QTMAN: variants seen among roughly 807,000 people sequenced by gnomAD.
The protein encoded by QTMAN is queuosine-tRNA mannosyltransferase.
the QTMAN span, among the ~76,000 whole-genome samples, chr2:144,035,999 G>A: frequency 6.6e-6 from 1 of 152,140 alleles, no homozygotes; most frequent in African/African-American, 2.4e-5. Context: ...ACCAGAGCAT[G>A]TAATTTCCTG....
chr2:144,039,834 T>C, the QTMAN span, among the ~76,000 whole-genome samples: 1 of 152,220 alleles, frequency 6.6e-6, no homozygotes, highest in African/African-American at 2.4e-5. Flanking sequence ...TTTCTTTCAA[T>C]TGACACTGTT....
chr2:144,284,127 T>C, the QTMAN span, among the ~76,000 whole-genome samples: 7 of 152,018 alleles, frequency 4.6e-5, no homozygotes, highest in Non-Finnish European at 8.8e-5. Flanking sequence ...ATAATCATAC[T>C]GCTGTTCTAC....
chr2:144,052,234 G>A, the QTMAN span, among the ~76,000 whole-genome samples: 1 of 152,302 alleles, frequency 6.6e-6, no homozygotes, highest in South Asian at 2.1e-4. Flanking sequence ...ATGATAACAG[G>A]ATAAAACTGG....
the QTMAN span, among the ~76,000 whole-genome samples, chr2:144,156,713 C>T: frequency 1.3e-5 from 2 of 152,022 alleles, no homozygotes; most frequent in Admixed American, 1.3e-4. Flanking sequence ...AAAAAAAATG[C>T]TTCCGTTGAT....
the QTMAN span, among the ~76,000 whole-genome samples, chr2:144,157,160 C>T: frequency 6.6e-6 from 1 of 151,998 alleles, no homozygotes; most frequent in Non-Finnish European, 1.5e-5. Context: ...ACTTTATTTA[C>T]AGTGTTTGTT....
At chr2:144,169,670 C>T in the QTMAN span, among the ~76,000 whole-genome samples, 1 of 151,862 alleles carries the variant, frequency 6.6e-6, no homozygotes, top group Admixed American at 6.6e-5. Context: ...GTTTTTGCTT[C>T]AATGGTCTTC....
chr2:144,087,674 A>G, the QTMAN span, among the ~76,000 whole-genome samples: 3 of 152,052 alleles, frequency 2.0e-5, no homozygotes, highest in African/African-American at 7.2e-5. Flanking sequence ...TAAACATCAT[A>G]TATCACATCA....
At chr2:144,081,117 T>C in the QTMAN span, among the ~76,000 whole-genome samples, 1 of 152,166 alleles carries the variant, frequency 6.6e-6, no homozygotes, top group African/African-American at 2.4e-5. Flanking sequence ...TTAGTCTCCT[T>C]CTCTATCAAG....
chr2:143,955,654 A>T, the QTMAN span, among the ~76,000 whole-genome samples: 1 of 152,332 alleles, frequency 6.6e-6, no homozygotes, highest in East Asian at 1.9e-4. Flanking sequence ...CACTCAACAA[A>T]AACAAAAGTT....
chr2:144,164,534 C>T, the QTMAN span, among the ~76,000 whole-genome samples: 30 of 152,246 alleles, frequency 2.0e-4, no homozygotes, highest in African/African-American at 7.2e-4. Flanking sequence ...TTTCATCATA[C>T]AAAATGTTAC....
At chr2:144,031,112 T>G in the QTMAN span, among the ~76,000 whole-genome samples, 1 of 152,158 alleles carries the variant, frequency 6.6e-6, no homozygotes, top group African/African-American at 2.4e-5. Flanking sequence ...ACTGGGGAAT[T>G]TGAAGATACT....
chr2:144,282,425 T>C, the QTMAN span, among the ~76,000 whole-genome samples: 2 of 149,690 alleles, frequency 1.3e-5, no homozygotes, highest in East Asian at 1.9e-4. Context: ...GAATTATATA[T>C]TGGTGAAAAA....
chr2:144,217,816 C>T, the QTMAN span, among the ~76,000 whole-genome samples: 2 of 152,122 alleles, frequency 1.3e-5, no homozygotes, highest in Admixed American at 6.6e-5. Context: ...AGAAGTCAGC[C>T]ACGTAGCCGC....
the QTMAN span, among the ~76,000 whole-genome samples, chr2:144,001,569 A>G: frequency 6.6e-6 from 1 of 151,944 alleles, no homozygotes; most frequent in African/African-American, 2.4e-5. Flanking sequence ...GGTAGAACTT[A>G]TAACTGTAGC....
the QTMAN span, among the ~76,000 whole-genome samples, chr2:144,041,856 G>A: frequency 3.3e-5 from 5 of 152,308 alleles, no homozygotes; most frequent in Non-Finnish European, 7.4e-5. Context: ...TCAGGCAGAT[G>A]AGTGAATAAA....
the QTMAN span, chr2:143,947,142 C>T: frequency 5.9e-5 from 95 of 1,602,586 alleles, no homozygotes; most frequent in South Asian, 2.6e-4. Flanking sequence ...CACCCTGCAA[C>T]GAGGAGGAGG....
chr2:144,263,671 C>A, the QTMAN span, among the ~76,000 whole-genome samples: 1 of 152,066 alleles, frequency 6.6e-6, no homozygotes, highest in Non-Finnish European at 1.5e-5. Context: ...TGCAGTGAGC[C>A]GAGATTGTGC....
chr2:144,297,672 C>G, the QTMAN span, among the ~76,000 whole-genome samples: 1 of 150,946 alleles, frequency 6.6e-6, no homozygotes, highest in Non-Finnish European at 1.5e-5. Context: ...TCTCCACCTC[C>G]CGGGTTCAAA....
the QTMAN span, among the ~76,000 whole-genome samples, chr2:144,132,455 A>T: frequency 6.6e-6 from 1 of 152,080 alleles, no homozygotes; most frequent in Non-Finnish European, 1.5e-5. Flanking sequence ...AATACTAAAC[A>T]ACTAGAATTA....
Sources: allele counts gnomAD v4.1 joint callset (sites outside exome capture counted in the v4.1 genomes callset), GRCh38; gene constraint gnomAD v4.1.1; transcripts MANE v1.5; gene names NCBI Gene and HGNC (gene_info 2026-07-23, HGNC 2026-07-21).